The following GLB1L3 variants were observed in gnomAD, a reference collection of about 807,000 sequenced individuals.
GLB1L3 encodes the protein galactosidase beta 1 like 3.
Under a neutral mutation model 89.5 loss-of-function variants are expected in GLB1L3, and 89 were observed. The ratio of observed to expected loss-of-function variants is 0.99; its 90% CI spans 0.84 to 1.19. The LOEUF (loss-of-function observed/expected upper bound fraction) is 1.19. Ranked by LOEUF, GLB1L3 falls within the 50% of genes most tolerant of loss-of-function variation. The pLI is 0.00. For missense variants in GLB1L3, 812 were observed against 813.3 expected (o/e 1.00, Z 0.02); for synonymous variants, 314 against 312.3 (o/e 1.01, Z -0.06).
chr11:134,308,223 T>A (rs62636436), intron 10 of GLB1L3, among the ~76,000 whole-genome samples: 1 of 27,554 alleles, frequency 3.6e-5, no homozygotes, highest in Admixed American at 3.8e-4. Context: ...ACCATCACCA[T>A]CACCACCACC....
chr11:134,290,161 G>A (rs917272794), intron 7 of GLB1L3, among the ~76,000 whole-genome samples: 4 of 152,164 alleles, frequency 2.6e-5, no homozygotes, highest in African/African-American at 4.8e-5. Flanking sequence ...GCCCTGCATC[G>A]GTTGTGTTCA....
At chr11:134,277,267 C>T in intron 1 of GLB1L3, 59 bp from the exon 2 acceptor site, 2 of 1,610,956 alleles carry the variant, frequency 1.2e-6, no homozygotes, top group East Asian at 2.2e-5. Context: ...CTTCCCGGCC[C>T]TTGCAGCCCG....
rs1374843548 is a variant in GLB1L3, at chr11:134,310,347, TG to T, written c.1100-219del. 2.2e-5 allele frequency: 12 copies of T among 543,830 alleles called. No individual in the cohort carries two copies. In the East Asian group the frequency reaches 3.4e-4, roughly 16 times the overall value. 33.7% of individuals were successfully genotyped at this position (543,830 alleles called of 1,614,324 possible). A position where few individuals can be genotyped will look rare whatever the true frequency, so the allele number is the denominator to read the frequency against. ...AAGTTTGCATTAGAAAGTGAAGAAG[TG>T]GGGGCAAGCCCAGTGTCATGGCTTG... On this transcript the variant is annotated intron_variant, in intron 11 of 19. Coordinates refer to ENST00000431683, the MANE Select transcript of GLB1L3 (RefSeq NM_001080407.3).
At chr11:134,280,640 A>G (rs1000381496) in intron 3 of GLB1L3, among the ~76,000 whole-genome samples, 41 of 151,998 alleles carry the variant, frequency 2.7e-4, no homozygotes, top group African/African-American at 2.4e-5. Context: ...GCTATGTTGT[A>G]ACTTACAACA....
chr11:134,293,871 C>T (rs1252300041), intron 9 of GLB1L3, among the ~76,000 whole-genome samples: 1 of 152,026 alleles, frequency 6.6e-6, no homozygotes, highest in Non-Finnish European at 1.5e-5. Flanking sequence ...ATGCAGCCCC[C>T]ACGCCTTGGC....
At chr11:134,322,558 G>A (rs1011512284), downstream of GLB1L3, among the ~76,000 whole-genome samples, 1 of 152,000 alleles carries the variant, frequency 6.6e-6, no homozygotes, top group Non-Finnish European at 1.5e-5. Flanking sequence ...CCCTTAACCT[G>A]TCAGTAGTTA....
At chr11:134,285,380 T>C (rs1057030070) in intron 6 of GLB1L3, among the ~76,000 whole-genome samples, 1 of 152,218 alleles carries the variant, frequency 6.6e-6, no homozygotes, top group Non-Finnish European at 1.5e-5. Flanking sequence ...TTGATCATTG[T>C]AATTTTTTTA....
chr11:134,313,836 C>A (rs1591593098), intron 16 of GLB1L3, 105 bp from the exon 17 acceptor site: 1 of 748,478 alleles, frequency 1.3e-6, no homozygotes, highest in East Asian at 2.7e-5. Context: ...CTGGCTGTGC[C>A]CCTGTCCTAA....
At chr11:134,280,977 C>G (rs1403418909) in intron 3 of GLB1L3, among the ~76,000 whole-genome samples, 1 of 152,222 alleles carries the variant, frequency 6.6e-6, no homozygotes, top group African/African-American at 2.4e-5. Context: ...TTTACTGTAA[C>G]TCCACTATCT....
chr11:134,323,150 G>A (rs917366570), downstream of GLB1L3, among the ~76,000 whole-genome samples: 3 of 152,096 alleles, frequency 2.0e-5, no homozygotes, highest in Non-Finnish European at 4.4e-5. Context: ...GTTTTGATTT[G>A]CATTTCCCTA....
chr11:134,276,662 C>G lies in GLB1L3; in HGVS notation c.-79C>G. The G allele has an allele frequency of 7.8e-7, 1 of 1,290,318 alleles. No individual in the cohort carries two copies. Among genetic ancestry groups the G allele is most frequent in the Non-Finnish European group, 1.0e-6 (1 of 999,012 alleles). The allele number at this position is 1,290,318 out of a possible 1,614,324, so 79.9% of individuals were successfully genotyped here. A position where few individuals can be genotyped will look rare whatever the true frequency, so the allele number is the denominator to read the frequency against. On this transcript the variant is annotated 5_prime_UTR_variant, in exon 1 of 20. Coordinates refer to ENST00000431683, the MANE Select transcript of GLB1L3 (RefSeq NM_001080407.3). ...TGCCCCGCGGAACCGGGGCTCGAGT[C>G]CCGGCCCGAGCGCGGCGTCGGGGCC... is the stretch of plus-strand genomic sequence containing the variant.
At chr11:134,313,867 G>T in intron 16 of GLB1L3, 74 bp from the exon 17 acceptor site, 2 of 962,240 alleles carry the variant, frequency 2.1e-6, no homozygotes, top group East Asian at 2.5e-5. Flanking sequence ...AGTCTGCATT[G>T]CTTTGTCCCA....
At chr11:134,283,483 T>G (rs1270753965) in intron 5 of GLB1L3, among the ~76,000 whole-genome samples, 2 of 152,168 alleles carry the variant, frequency 1.3e-5, no homozygotes, top group South Asian at 4.1e-4. Context: ...TCAGACCAAA[T>G]AGAGCTGAAG....
At position 134,277,429 on chromosome 11, in the gene GLB1L3, A is replaced by G; in HGVS notation, c.127A>G (p.Arg43Gly). 6.2e-7 allele frequency: 1 copy of G among 1,613,714 alleles called. No individual in the cohort carries two copies. The highest frequency in any genetic ancestry group is 8.5e-7 in the Non-Finnish European group (1 of 1,179,692). Residue 43 changes from arginine (R) to glycine (G), a missense_variant, in exon 2 of 20, where the codon AGA (arginine) becomes GGA (glycine). By Grantham distance (125) the Arg-to-Gly change is moderately radical (BLOSUM62 -2). Transcript: ENST00000431683. ...FKQEENFMLG[R>G]AHPSQPRFNW... The stretch of plus-strand genomic sequence containing the variant: ...GCAGGAAGAGAACTTCATGCTTGGA[A>G]GAGCGCATCCGTCCCAGCCTAGGTT...
At chr11:134,279,398 G>A (rs1184269022) in intron 3 of GLB1L3, among the ~76,000 whole-genome samples, 9 of 104,376 alleles carry the variant, frequency 8.6e-5, no homozygotes, top group African/African-American at 1.1e-4. Context: ...ATAGAGTCTT[G>A]CTCTGTTGCC....
chr11:134,302,433 TAAC>T (rs1320516425), intron 9 of GLB1L3, among the ~76,000 whole-genome samples: 6 of 152,328 alleles, frequency 3.9e-5, no homozygotes, highest in East Asian at 1.9e-4. Flanking sequence ...TCATAGTTGA[TAAC>T]AACATTCACA....
At chr11:134,286,684 G>C (rs1295918894) in intron 6 of GLB1L3, among the ~76,000 whole-genome samples, 1 of 151,546 alleles carries the variant, frequency 6.6e-6, no homozygotes, top group Non-Finnish European at 1.5e-5. Context: ...GGCTGAGGCA[G>C]GAGAATGACG....
chr11:134,278,234 A>G (rs559976860), intron 3 of GLB1L3, among the ~76,000 whole-genome samples: 1 of 152,304 alleles, frequency 6.6e-6, no homozygotes, highest in African/African-American at 2.4e-5. Flanking sequence ...AGGCACACTT[A>G]CAGATAAATA....
chr11:134,318,050 G>A (rs1156710351), intron 18 of GLB1L3, among the ~76,000 whole-genome samples: 1 of 151,996 alleles, frequency 6.6e-6, no homozygotes, highest in Non-Finnish European at 1.5e-5. Context: ...TGTTTTTGAT[G>A]CTTCTCTTAT....
Sources: gnomAD v4.1 joint callset for allele counts (sites outside exome capture counted in the v4.1 genomes callset) on GRCh38, gnomAD v4.1.1 for gene constraint, MANE v1.5 for transcripts, NCBI Gene and HGNC (gene_info 2026-07-23, HGNC 2026-07-21) for gene names.